Variants in LRRC2 observed in about 807,000 individuals in gnomAD.
LRRC2 encodes leucine rich repeat containing 2.
LRRC2 carries 27 observed loss-of-function variants against 40.2 expected under a neutral mutation model. The ratio of observed to expected loss-of-function variants is 0.67; its 90% CI spans 0.49 to 0.93. LRRC2 has a LOEUF of 0.93. Among genes scored for constraint, LRRC2 ranks in the 40% least tolerant of loss-of-function variants. The pLI, the probability that LRRC2 is intolerant of heterozygous loss-of-function variation, is 0.00. For missense variants in LRRC2, 402 were observed against 439.6 expected (o/e 0.91, Z 0.76); for synonymous variants, 147 against 158.9 (o/e 0.92, Z 0.56).
chr3:46,565,465 T>C (rs1241805274), intron 1 of LRRC2, among the ~76,000 whole-genome samples: 2 of 152,234 alleles, frequency 1.3e-5, no homozygotes, highest in African/African-American at 4.8e-5. Context: ...TAAGAATCCC[T>C]GTCACCAATT....
At chr3:46,538,859 G>A (rs541768129) in intron 4 of LRRC2, among the ~76,000 whole-genome samples, 186 bp downstream of exon 4, 2 of 152,278 alleles carry the variant, frequency 1.3e-5, no homozygotes, top group African/African-American at 2.4e-5. Flanking sequence ...CAGGCGAGAC[G>A]CCGACCTCAC....
intron 4 of LRRC2, among the ~76,000 whole-genome samples, chr3:46,534,407 TTTCTTTTCC>T (rs943394654): frequency 1.3e-5 from 2 of 150,940 alleles, no homozygotes; most frequent in South Asian, 2.1e-4. Flanking sequence ...TTTCTTTTCT[TTTCTTTTCC>T]TTCCTTCCTT....
intron 7 of LRRC2, among the ~76,000 whole-genome samples, chr3:46,522,374 CAA>C (rs1263099881): frequency 9.9e-6 from 1 of 100,696 alleles, no homozygotes; most frequent in East Asian, 3.0e-4. Flanking sequence ...GACTCAATCT[CAA>C]AAATAAATAA....
chr3:46,523,188 C>T (rs963295545), intron 7 of LRRC2, among the ~76,000 whole-genome samples: 8 of 152,124 alleles, frequency 5.3e-5, no homozygotes, highest in East Asian at 3.8e-4. Context: ...TATCATCCTT[C>T]CCTATTCAAA....
chr3:46,558,101 G>A (rs926853565), intron 1 of LRRC2: 5 of 152,220 alleles, frequency 3.3e-5, no homozygotes, highest in Admixed American at 2.0e-4. Context: ...CAAAGGGACT[G>A]TTCTGAGCCC....
intron 2 of LRRC2, among the ~76,000 whole-genome samples, chr3:46,548,092 A>G (rs1229077818): frequency 6.6e-6 from 1 of 152,162 alleles, no homozygotes; most frequent in Non-Finnish European, 1.5e-5. Context: ...CATTTCTTAG[A>G]CTGAACCTGA....
intron 3 of LRRC2, among the ~76,000 whole-genome samples, chr3:46,543,840 G>A (rs961938721): frequency 6.6e-6 from 1 of 151,894 alleles, no homozygotes; most frequent in Non-Finnish European, 1.5e-5. Context: ...TAGGCAGCCC[G>A]TTACCTACTG....
Position 46,527,475 on chromosome 3 carries a change from G to C in LRRC2, c.880C>G (p.His294Asp), listed in dbSNP as rs756731184. The C allele has an allele frequency of 8.1e-6, 13 of 1,613,910 alleles. No homozygotes were observed. Among genetic ancestry groups the C allele is most frequent in the Middle Eastern group, 1.7e-4 (1 of 6,058 alleles). ...KLTLLVVSGD[H>D]LVELPTALCD... ...AGGGCAGTTGGGAGCTCCACCAAATGGTCCCCACTGACGACTAACAGAGTG... is the reference window on the plus strand; with the variant it reads ...AGGGCAGTTGGGAGCTCCACCAAATCGTCCCCACTGACGACTAACAGAGTG... Residue 294 changes from histidine to aspartate, a missense_variant, in exon 7 of 9, where the codon CAT becomes GAT. Coordinates refer to ENST00000395905, the MANE Select transcript of LRRC2 (RefSeq NM_024512.5).
At chr3:46,547,706 ATGTGTGTG>A (rs61273277) in intron 2 of LRRC2, among the ~76,000 whole-genome samples, 6 of 149,880 alleles carry the variant, frequency 4.0e-5, no homozygotes, top group African/African-American at 1.5e-4. Context: ...GTGTGTGTGT[ATGTGTGTG>A]TGTGTGTGTG....
chr3:46,549,482 C>T (rs1311209418), intron 2 of LRRC2, among the ~76,000 whole-genome samples: 2 of 152,170 alleles, frequency 1.3e-5, no homozygotes, highest in Non-Finnish European at 2.9e-5. Context: ...TCCTTATCTG[C>T]CCAGCCAACT....
chr3:46,522,376 A>AAAAT (rs59264692), intron 7 of LRRC2, among the ~76,000 whole-genome samples: 50,351 of 135,640 alleles, frequency 0.37, 9,676 homozygotes, highest in Admixed American at 0.43. Flanking sequence ...CTCAATCTCA[A>AAAAT]AAATAAATAA....
chr3:46,544,999 A>C (rs769556628), intron 3 of LRRC2, 47 bp downstream of exon 3: 2 of 1,543,096 alleles, frequency 1.3e-6, no homozygotes, highest in East Asian at 2.2e-5. Context: ...GGCGAGCAGC[A>C]GTCATCGACC....
chr3:46,520,767 G>A, intron 8 of LRRC2, among the ~76,000 whole-genome samples: 1 of 152,166 alleles, frequency 6.6e-6, no homozygotes, highest in Non-Finnish European at 1.5e-5. Flanking sequence ...TGCCAGGTCT[G>A]CACCTAGCTC....
chr3:46,534,830 A>T (rs1704242566), intron 4 of LRRC2, among the ~76,000 whole-genome samples: 1 of 152,182 alleles, frequency 6.6e-6, no homozygotes. Flanking sequence ...ATGATAAGAG[A>T]TCAAACCCCA....
chr3:46,565,041 C>T (rs1377410211), intron 1 of LRRC2, among the ~76,000 whole-genome samples: 1 of 152,210 alleles, frequency 6.6e-6, no homozygotes, highest in African/African-American at 2.4e-5. Flanking sequence ...TAAATAGGAG[C>T]TAAATAGTCA....
In LRRC2 at chr3:46,521,579, G is replaced by T; in HGVS notation, c.1009C>A (p.Arg337Ser). Reference protein sequence around the residue: ...GNEIMESERDRQHFDKEVMKA... With the variant: ...GNEIMESERDSQHFDKEVMKA... Reference sequence around the variant, plus strand: ...ATAACTTCTTTATCAAAATGTTGGCGATCCCGTTCACTTTCCATTATTTCA... The same window carrying T: ...ATAACTTCTTTATCAAAATGTTGGCTATCCCGTTCACTTTCCATTATTTCA... Residue 337 changes from arginine (R) to serine (S), a missense_variant, in exon 8 of 9, where the codon CGC becomes AGC. Transcript: ENST00000395905. 6.2e-7 allele frequency: 1 copy of T among 1,612,660 alleles called. No homozygotes were observed. Among genetic ancestry groups the T allele is most frequent in the Non-Finnish European group, 8.5e-7 (1 of 1,179,368 alleles).
chr3:46,546,218 G>A (rs571034982), intron 2 of LRRC2, among the ~76,000 whole-genome samples: 126 of 152,366 alleles, frequency 8.3e-4, no homozygotes, highest in African/African-American at 2.9e-3. Context: ...CTAAATAAGT[G>A]TGAGATAAGC....
chr3:46,539,837 C>G (rs1704347074), intron 3 of LRRC2, among the ~76,000 whole-genome samples: 1 of 152,152 alleles, frequency 6.6e-6, no homozygotes, highest in African/African-American at 2.4e-5. Flanking sequence ...AGGTGTCAAG[C>G]AAGAAGCGTT....
intron 5 of LRRC2, among the ~76,000 whole-genome samples, chr3:46,532,048 T>C (rs982271775): frequency 1.3e-5 from 2 of 152,248 alleles, no homozygotes; most frequent in African/African-American, 4.8e-5. Flanking sequence ...TTTAAATTAG[T>C]GGATTTCTTA....
Sources: allele counts gnomAD v4.1 joint callset (sites outside exome capture counted in the v4.1 genomes callset), GRCh38; gene constraint gnomAD v4.1.1; transcripts MANE v1.5; gene names NCBI Gene and HGNC (gene_info 2026-07-23, HGNC 2026-07-21).